The following DOCK4 variants were observed in gnomAD, a reference collection of about 807,000 sequenced individuals.
DOCK4 encodes the protein dedicator of cytokinesis protein 4.
Under a neutral mutation model 268.1 loss-of-function variants are expected in DOCK4, and 97 were observed. That is an observed-to-expected ratio of 0.36 (90% CI 0.31 to 0.43). The LOEUF (loss-of-function observed/expected upper bound fraction) is 0.43. DOCK4 is among the 20% of genes least tolerant of loss of function. The pLI, the probability that DOCK4 is intolerant of heterozygous loss-of-function variation, is 1.00. For missense variants in DOCK4, 2,145 were observed against 2,455.7 expected, an observed-to-expected ratio of 0.87 and a Z score of 2.67; for synonymous variants, 954 against 887.2, an observed-to-expected ratio of 1.08 and a Z score of -1.34.
chr7:111,882,674 G>A (rs1465910008), intron 16 of DOCK4, among the ~76,000 whole-genome samples: 1 of 152,016 alleles, frequency 6.6e-6, no homozygotes, highest in Non-Finnish European at 1.5e-5. Flanking sequence ...GTGCAATGGT[G>A]TGATCTCGGC....
chr7:111,927,668 T>G (rs903012919), intron 12 of DOCK4, among the ~76,000 whole-genome samples: 5 of 152,210 alleles, frequency 3.3e-5, no homozygotes, highest in Admixed American at 3.3e-4. Context: ...GTAACTATTA[T>G]TACCTATTTG....
chr7:111,970,034 G>A (rs183965061), intron 8 of DOCK4, among the ~76,000 whole-genome samples: 28 of 152,262 alleles, frequency 1.8e-4, no homozygotes, highest in Middle Eastern at 3.4e-3. Context: ...GACCTTGGAC[G>A]ATCAGTGATT....
chr7:111,951,408 G>T (rs1214730699), intron 8 of DOCK4, among the ~76,000 whole-genome samples: 1 of 152,098 alleles, frequency 6.6e-6, no homozygotes, highest in East Asian at 1.9e-4. Flanking sequence ...AAGTTGTGTG[G>T]TCAGTCAAGG....
intron 1 of DOCK4, among the ~76,000 whole-genome samples, chr7:112,063,386 C>T (rs1186154876): frequency 1.3e-5 from 2 of 152,202 alleles, no homozygotes; most frequent in East Asian, 3.9e-4. Context: ...ATACTGTAAG[C>T]CCAAATGCAT....
At chr7:111,859,712 C>T (rs868704534) in intron 23 of DOCK4, among the ~76,000 whole-genome samples, 8 of 150,256 alleles carry the variant, frequency 5.3e-5, no homozygotes, top group Admixed American at 3.3e-4. Context: ...GGACTACAGG[C>T]GCCCGCCACT....
intron 1 of DOCK4, among the ~76,000 whole-genome samples, chr7:112,198,659 T>G (rs1321174136): frequency 1.3e-5 from 2 of 152,204 alleles, no homozygotes; most frequent in Non-Finnish European, 2.9e-5. Context: ...AATTCAATAC[T>G]GCTCATATTT....
chr7:112,010,711 T>C (rs1801219627), intron 1 of DOCK4, among the ~76,000 whole-genome samples: 1 of 152,232 alleles, frequency 6.6e-6, no homozygotes, highest in African/African-American at 2.4e-5. Flanking sequence ...CAGGACTGCA[T>C]TCTTATGCCA....
At position 111,776,877 on chromosome 7, in the gene DOCK4, G is replaced by A. The variant is rs187022240; in HGVS notation, c.3679+1399C>T. Among the ~76,000 whole-genome samples the A allele has an allele frequency of 1.2e-3, 184 of 152,304 alleles. 1 individual carries two copies. The highest frequency in any genetic ancestry group is 1.7e-3 in the Admixed American group (26 of 15,292). ...GCTCTGTCTTCCAGGGTGGAGTGCA[G>A]TGGTGCAATTTTGGCTCACTGCAGC... On this transcript the variant is annotated intron_variant, in intron 36 of 52. Coordinates refer to ENST00000428084, the MANE Select transcript of DOCK4 (RefSeq NM_001363540.2).
intron 1 of DOCK4, among the ~76,000 whole-genome samples, chr7:112,155,589 G>C (rs1200981357): frequency 6.6e-6 from 1 of 152,166 alleles, no homozygotes; most frequent in Non-Finnish European, 1.5e-5. Context: ...CTAGTATTAT[G>C]GTTCTGCTGC....
At chr7:111,861,088 TTGG>T (rs1164331758) in intron 23 of DOCK4, among the ~76,000 whole-genome samples, 2 of 152,004 alleles carry the variant, frequency 1.3e-5, no homozygotes, top group African/African-American at 2.4e-5. Flanking sequence ...GAAAGCAGGG[TTGG>T]TGTTTGAGTT....
chr7:111,865,178 G>C (rs927364778), intron 22 of DOCK4, among the ~76,000 whole-genome samples: 1 of 152,196 alleles, frequency 6.6e-6, no homozygotes, highest in Non-Finnish European at 1.5e-5. Flanking sequence ...CTTCTTTTAG[G>C]GATCATGGGT....
At chr7:112,029,961 A>G (rs1298997730) in intron 1 of DOCK4, among the ~76,000 whole-genome samples, 1 of 152,236 alleles carries the variant, frequency 6.6e-6, no homozygotes, top group South Asian at 2.1e-4. Context: ...TAACTTTCTG[A>G]TTCAAAATGA....
At chr7:111,762,762 C>CTTTTGTTTTTTTTTTTTT (rs1797507186) in intron 39 of DOCK4, among the ~76,000 whole-genome samples, 1 of 63,068 alleles carries the variant, frequency 1.6e-5, no homozygotes, top group Non-Finnish European at 3.0e-5. Context: ...GTTTTGTTTT[C>CTTTTGTTTTTTTTTTTTT]TTTTTTTTTT....
At chr7:111,763,743 T>TA (rs11380468) in intron 39 of DOCK4, among the ~76,000 whole-genome samples, 117,430 of 152,038 alleles carry the variant, frequency 0.77, 48,101 homozygotes, top group East Asian at 0.97. Flanking sequence ...TCTGCTGCTC[T>TA]GCTCAGAACC....
At chr7:111,941,350 T>C (rs1460213306) in intron 10 of DOCK4, among the ~76,000 whole-genome samples, 1 of 152,208 alleles carries the variant, frequency 6.6e-6, no homozygotes, top group Non-Finnish European at 1.5e-5. Flanking sequence ...TATGTCATAC[T>C]TGAATTTAAT....
At chr7:111,833,004 C>T (rs1177862077) in intron 26 of DOCK4, among the ~76,000 whole-genome samples, 3 of 152,160 alleles carry the variant, frequency 2.0e-5, no homozygotes, top group Non-Finnish European at 2.9e-5. Flanking sequence ...TCAGTTTATG[C>T]TTCTCTGCTA....
chr7:111,863,511 A>G lies in DOCK4; in HGVS notation c.2334T>C (p.Phe778=). Residue 778 remains phenylalanine (F), a synonymous_variant, in exon 23 of 53, where the codon TTT becomes TTC. Coordinates refer to ENST00000428084, the MANE Select transcript of DOCK4 (RefSeq NM_001363540.2). ...CCAAGTTGGCTACTTCCCGGACATC[A>G]AAGAGCTTCAACAGTTCTGAGTACA... is the stretch of plus-strand genomic sequence containing the variant. ...PAVYSELLKL[F]DVREVANLVQ... 2 of 1,613,848 alleles carry G rather than the reference A, an allele frequency of 1.2e-6. No individual in the cohort carries two copies. The highest frequency in any genetic ancestry group is 1.7e-6 in the Non-Finnish European group (2 of 1,179,812).
Position 111,868,041 on chromosome 7 carries a change from T to G in DOCK4, c.2223A>C (p.Ser741=). The change falls in exon 22 of 53, where the codon TCA becomes TCC. Residue 741 remains serine, a synonymous_variant. Coordinates refer to ENST00000428084, the MANE Select transcript of DOCK4 (RefSeq NM_001363540.2). ...FRCCIQELLM[S]VRFFLSQESK... ...TCTCTTGCGAAAGAAAGAAACGGAC[T>G]GACATGAGAAGCTCCTGAATGCAGC... 1.2e-6 allele frequency: 2 copies of G among 1,613,136 alleles called. No homozygotes were observed.
intron 31 of DOCK4, among the ~76,000 whole-genome samples, chr7:111,789,767 T>C (rs560764419): frequency 6.6e-6 from 1 of 152,202 alleles, no homozygotes; most frequent in African/African-American, 2.4e-5. Context: ...TGGAGAAACA[T>C]GAGGAAGGGT....
Sources: allele counts gnomAD v4.1 joint callset (sites outside exome capture counted in the v4.1 genomes callset), GRCh38; gene constraint gnomAD v4.1.1; transcripts MANE v1.5; gene names NCBI Gene and HGNC (gene_info 2026-07-23, HGNC 2026-07-21).